Variants in GRIN2B observed in about 807,000 individuals in gnomAD.
GRIN2B encodes glutamate ionotropic receptor NMDA type subunit 2B.
In GRIN2B, 5 loss-of-function variants were observed where a neutral mutation model predicts 114.5. The observed-to-expected ratio is 0.04, with a 90% CI of 0.02 to 0.09. The LOEUF is 0.09. Ranked by LOEUF, GRIN2B falls within the 10% of genes least tolerant of loss-of-function variation. The probability of loss-of-function intolerance (pLI) is 1.00; values close to 1 mark genes in which losing one functional copy is unlikely to be tolerated. For synonymous variants in GRIN2B, 787 were observed against 745.1 expected (o/e 1.06, Z -0.92); for missense variants, 1,108 against 1,943.5 (o/e 0.57, Z 8.08).
Position 13,538,964 on chromosome 12 carries a change from T to G in GRIN2B, c.*23819A>C, listed in dbSNP as rs1948245037. 1.3e-5 allele frequency: 2 copies of G among 152,184 alleles called. No homozygotes were observed. The highest frequency in any genetic ancestry group is 4.1e-4 in the South Asian group (2 of 4,830). The allele number at this position is 152,184 out of a possible 1,614,324, so 9.4% of individuals were successfully genotyped here. A position where few individuals can be genotyped will look rare whatever the true frequency, so the allele number is the denominator to read the frequency against. ...TACTGTATAATTTTCAGATTATTGT[T>G]AAAGCAGTTCTGTTGTCCAAAAAAA... On this transcript the variant is annotated 3_prime_UTR_variant, in exon 14 of 14. Coordinates refer to ENST00000609686, the MANE Select transcript of GRIN2B (RefSeq NM_000834.5).
At chr12:13,772,227 GCT>G (rs1863920424) in intron 3 of GRIN2B, among the ~76,000 whole-genome samples, 1 of 152,162 alleles carries the variant, frequency 6.6e-6, no homozygotes, top group South Asian at 2.1e-4. Context: ...GCCACTGATG[GCT>G]CTTTTACCAT....
intron 3 of GRIN2B, among the ~76,000 whole-genome samples, chr12:13,764,506 T>G (rs148979203): frequency 0.011 from 1,622 of 152,306 alleles, 21 homozygotes; most frequent in South Asian, 0.031. Context: ...CTTGGGTAGC[T>G]GAAATGCTGT....
At chr12:13,643,538 G>A (rs1949738583) in intron 5 of GRIN2B, among the ~76,000 whole-genome samples, 1 of 152,044 alleles carries the variant, frequency 6.6e-6, no homozygotes, top group African/African-American at 2.4e-5. Context: ...TGAAGAATGG[G>A]GTGACTATGG....
At chr12:13,651,905 T>C (rs959467905) in intron 5 of GRIN2B, among the ~76,000 whole-genome samples, 2 of 152,074 alleles carry the variant, frequency 1.3e-5, no homozygotes, top group Non-Finnish European at 2.9e-5. Context: ...ATTTATCCAG[T>C]AAGATGAGTT....
intron 2 of GRIN2B, among the ~76,000 whole-genome samples, chr12:13,909,271 T>C (rs9971865): frequency 0.4 from 61,058 of 152,150 alleles, 13,525 homozygotes; most frequent in East Asian, 0.63. Flanking sequence ...GTTGTGAGAA[T>C]AACCGCAGCA....
At chr12:13,825,983 C>A (rs1865028169) in intron 3 of GRIN2B, among the ~76,000 whole-genome samples, 1 of 151,898 alleles carries the variant, frequency 6.6e-6, no homozygotes. Flanking sequence ...GGCTCTAAAT[C>A]ATTTTGCTAT....
At position 13,916,735 on chromosome 12, in the gene GRIN2B, A is replaced by ACACACAAATGTGTG. The variant is rs59238170; in HGVS notation, c.-18-50510_-18-50509insCACACATTTGTGTG. Among the ~76,000 whole-genome samples, 93 of 101,922 alleles carry ACACACAAATGTGTG rather than the reference A, an allele frequency of 9.1e-4. 1 individual carries two copies. Among genetic ancestry groups the ACACACAAATGTGTG allele is most frequent in the South Asian group, 3.3e-3 (11 of 3,324 alleles). The allele number at this position is 101,922 out of a possible 152,430, so 66.9% of individuals were successfully genotyped here. ...TATACACACACACACACACACACAC[A>ACACACAAATGTGTG]TTTGTGTGTGTGTGTGTGTGTGTGT... is the stretch of plus-strand genomic sequence containing the variant. On this transcript the variant is annotated intron_variant, in intron 2 of 13. Transcript: ENST00000609686.
chr12:13,942,836 A>G (rs1201471090), intron 2 of GRIN2B, among the ~76,000 whole-genome samples: 8 of 152,182 alleles, frequency 5.3e-5, no homozygotes, highest in Non-Finnish European at 1.0e-4. Context: ...ACAGCACTAT[A>G]TGGGAGAGAC....
chr12:13,972,508 C>G (rs1376171312), intron 2 of GRIN2B, among the ~76,000 whole-genome samples: 1 of 38,040 alleles, frequency 2.6e-5, no homozygotes, highest in Admixed American at 3.5e-4. Flanking sequence ...TTTTAAAGAC[C>G]CATTACATAT....
intron 2 of GRIN2B, among the ~76,000 whole-genome samples, chr12:13,931,682 A>G (rs140699852): frequency 8.5e-5 from 13 of 152,330 alleles, no homozygotes; most frequent in African/African-American, 3.1e-4. Flanking sequence ...AGACAAAAAC[A>G]CTTCCTGTTT....
At chr12:13,976,131 G>A (rs1863014023) in intron 2 of GRIN2B, among the ~76,000 whole-genome samples, 1 of 152,224 alleles carries the variant, frequency 6.6e-6, no homozygotes, top group Non-Finnish European at 1.5e-5. Context: ...AGCTATGCCT[G>A]CTCTTTCATC....
chr12:13,796,193 C>T (rs574898418), intron 3 of GRIN2B, among the ~76,000 whole-genome samples: 18 of 151,668 alleles, frequency 1.2e-4, no homozygotes, highest in African/African-American at 4.1e-4. Context: ...GAAGCATAAA[C>T]GAAAATGTAG....
At chr12:13,896,246 G>A (rs1866351479) in intron 2 of GRIN2B, among the ~76,000 whole-genome samples, 1 of 152,174 alleles carries the variant, frequency 6.6e-6, no homozygotes, top group Non-Finnish European at 1.5e-5. Flanking sequence ...GAGTAATAGT[G>A]AGGAAGATGG....
chr12:13,901,616 T>C (rs1408258905), intron 2 of GRIN2B, among the ~76,000 whole-genome samples: 2 of 152,108 alleles, frequency 1.3e-5, no homozygotes, highest in Non-Finnish European at 2.9e-5. Context: ...TCTTAGACAG[T>C]ATAATAGTAA....
chr12:13,758,998 ATTTTTTTTTTTTT>A (rs5796560), intron 3 of GRIN2B, among the ~76,000 whole-genome samples: 1 of 85,600 alleles, frequency 1.2e-5, no homozygotes, highest in African/African-American at 4.9e-5. Flanking sequence ...ATCTAGTTCA[ATTTTTTTTTTTTT>A]TTTTTTTTTT....
intron 3 of GRIN2B, among the ~76,000 whole-genome samples, chr12:13,760,162 T>G: frequency 6.6e-6 from 1 of 152,344 alleles, no homozygotes; most frequent in Middle Eastern, 3.4e-3. Flanking sequence ...CACCATCAGA[T>G]GGACTACATG....
intron 3 of GRIN2B, among the ~76,000 whole-genome samples, chr12:13,831,008 C>T (rs1365738709): frequency 1.3e-5 from 2 of 152,142 alleles, no homozygotes; most frequent in African/African-American, 4.8e-5. Context: ...GCTTGGTGCC[C>T]TCCTCAAGGC....
At chr12:13,644,361 T>C (rs537608709) in intron 5 of GRIN2B, among the ~76,000 whole-genome samples, 10 of 152,148 alleles carry the variant, frequency 6.6e-5, no homozygotes, top group East Asian at 1.9e-4. Context: ...TAGGTCTCAA[T>C]AGTGGGCTTA....
chr12:13,581,691 C>T (rs955350031), intron 10 of GRIN2B, among the ~76,000 whole-genome samples: 1 of 152,166 alleles, frequency 6.6e-6, no homozygotes, highest in Non-Finnish European at 1.5e-5. Context: ...AGGTGGATCA[C>T]CTGAAGTCAG....
Sources: allele counts gnomAD v4.1 joint callset (sites outside exome capture counted in the v4.1 genomes callset), GRCh38; gene constraint gnomAD v4.1.1; transcripts MANE v1.5; gene names NCBI Gene and HGNC (gene_info 2026-07-23, HGNC 2026-07-21).